Variants in PPARGC1A observed in about 807,000 individuals in gnomAD.
PPARGC1A encodes peroxisome proliferator-activated receptor gamma coactivator 1-alpha.
PPARGC1A carries 25 observed loss-of-function variants against 88.7 expected under a neutral mutation model. The observed-to-expected ratio is 0.28, with a 90% CI of 0.21 to 0.39. The LOEUF is 0.39. Among genes scored for constraint, PPARGC1A ranks in the 10% least tolerant of loss-of-function variants. PPARGC1A has a pLI of 1.00. For synonymous variants in PPARGC1A, 363 were observed against 355.6 expected, an observed-to-expected ratio of 1.02 and a Z score of -0.24; for missense variants, 880 against 968.7, an observed-to-expected ratio of 0.91 and a Z score of 1.22.
chr4:24,370,741 GTC>G, the PPARGC1A span, among the ~76,000 whole-genome samples: 24 of 116,022 alleles, frequency 2.1e-4, no homozygotes, highest in Middle Eastern at 7.2e-3. Context: ...AGTTTCTCCT[GTC>G]TCTCTCTTTT....
Position 23,801,936 on chromosome 4 carries a change from C to A in PPARGC1A, c.2142-55G>T. ...GGTTAAGAAGTATTAGTATATGGGA[C>A]TGTAACCCTTTCTACTTTGTGAGAC... On this transcript the variant is annotated intron_variant, in intron 11 of 12. Transcript: ENST00000264867. 5 of 1,594,482 alleles carry A rather than the reference C, an allele frequency of 3.1e-6. No homozygotes were observed. In the Admixed American group the frequency reaches 8.4e-5, roughly 27 times the overall value.
the PPARGC1A span, among the ~76,000 whole-genome samples, chr4:24,154,212 C>T: frequency 1.1e-4 from 16 of 151,716 alleles, no homozygotes; most frequent in African/African-American, 2.2e-4. Context: ...CTGCATCTTA[C>T]GCTCATAAGC....
chr4:24,319,680 T>A, the PPARGC1A span, among the ~76,000 whole-genome samples: 1 of 152,250 alleles, frequency 6.6e-6, no homozygotes, highest in Non-Finnish European at 1.5e-5. Context: ...TTTGATAGAA[T>A]TATATGTTCA....
chr4:23,887,514 T>G lies in PPARGC1A; in HGVS notation c.54+2390A>C, dbSNP rs576907077. 5.3e-5 allele frequency among the ~76,000 whole-genome samples: 8 copies of G among 152,350 alleles called. No homozygotes were observed. The East Asian group carries it at 1.5e-3, about 29-fold the overall frequency. ...ACACATTCTACTGCCTCTTTGCAACTATGACAGCTATTTCACAACTGTAGC... is the reference window on the plus strand; with the variant it reads ...ACACATTCTACTGCCTCTTTGCAACGATGACAGCTATTTCACAACTGTAGC... On this transcript the variant is annotated intron_variant, in intron 1 of 12. Coordinates refer to ENST00000264867, the MANE Select transcript of PPARGC1A (RefSeq NM_013261.5).
chr4:24,118,945 G>A, the PPARGC1A span, among the ~76,000 whole-genome samples: 1 of 152,110 alleles, frequency 6.6e-6, no homozygotes, highest in Non-Finnish European at 1.5e-5. Flanking sequence ...AACAAAAGGT[G>A]CATAACAAAT....
intron 10 of PPARGC1A, among the ~76,000 whole-genome samples, chr4:23,810,281 C>G (rs1445972444): frequency 6.6e-6 from 1 of 152,134 alleles, no homozygotes; most frequent in Non-Finnish European, 1.5e-5. Flanking sequence ...AAAATTCTCA[C>G]AAATGTCTAG....
chr4:23,831,905 T>C (rs766590372), intron 2 of PPARGC1A, among the ~76,000 whole-genome samples, 154 bp from the exon 3 acceptor site: 3 of 151,988 alleles, frequency 2.0e-5, no homozygotes, highest in Non-Finnish European at 2.9e-5. Flanking sequence ...AACTCCAAAT[T>C]CATGTTTTGG....
the PPARGC1A span, among the ~76,000 whole-genome samples, chr4:23,999,826 C>T: frequency 2.6e-5 from 4 of 152,068 alleles, no homozygotes; most frequent in Non-Finnish European, 5.9e-5. Flanking sequence ...GAGAGGTAGA[C>T]GCAGCCGCCC....
the PPARGC1A span, among the ~76,000 whole-genome samples, chr4:23,974,799 ATTTTTTTTTTTTT>A: frequency 1.5e-4 from 9 of 61,126 alleles, no homozygotes; most frequent in Admixed American, 6.6e-4. Context: ...GGCCCGGCTA[ATTTTTTTTTTTTT>A]TTTTTTTTTT....
the PPARGC1A span, among the ~76,000 whole-genome samples, chr4:23,956,862 T>C: frequency 6.6e-6 from 1 of 152,106 alleles, no homozygotes; most frequent in South Asian, 2.1e-4. Context: ...AGCCACAAAG[T>C]CTTGTTAACT....
the PPARGC1A span, among the ~76,000 whole-genome samples, chr4:24,001,254 T>G: frequency 6.6e-6 from 1 of 152,214 alleles, no homozygotes; most frequent in Non-Finnish European, 1.5e-5. Flanking sequence ...TGTTATAATA[T>G]GCTATTAATT....
At chr4:24,311,976 C>T in the PPARGC1A span, among the ~76,000 whole-genome samples, 1 of 152,140 alleles carries the variant, frequency 6.6e-6, no homozygotes, top group African/African-American at 2.4e-5. Context: ...AAACTGTTTC[C>T]AAGGACCTTC....
the PPARGC1A span, among the ~76,000 whole-genome samples, chr4:24,327,386 C>A: frequency 3.3e-5 from 5 of 152,308 alleles, no homozygotes; most frequent in South Asian, 1.0e-3. Context: ...TCTCCTCGTG[C>A]TATCCCCAAA....
At chr4:24,088,923 A>C in the PPARGC1A span, among the ~76,000 whole-genome samples, 1 of 151,870 alleles carries the variant, frequency 6.6e-6, no homozygotes, top group African/African-American at 2.4e-5. Flanking sequence ...AGGTTATGTA[A>C]CCTCTCTGAG....
At chr4:24,148,707 G>A in the PPARGC1A span, among the ~76,000 whole-genome samples, 11 of 152,172 alleles carry the variant, frequency 7.2e-5, no homozygotes, top group East Asian at 7.7e-4. Context: ...ACGTGTCTGT[G>A]ATGAATCCTC....
At chr4:24,093,753 G>T in the PPARGC1A span, among the ~76,000 whole-genome samples, 1 of 152,194 alleles carries the variant, frequency 6.6e-6, no homozygotes, top group African/African-American at 2.4e-5. Flanking sequence ...CACACGAGTG[G>T]TTCGAAGCAT....
At chr4:24,253,046 A>C in the PPARGC1A span, among the ~76,000 whole-genome samples, 1 of 152,192 alleles carries the variant, frequency 6.6e-6, no homozygotes, top group African/African-American at 2.4e-5. Flanking sequence ...AAAGGATCTC[A>C]GAAAAATAAT....
At chr4:24,326,740 A>C in the PPARGC1A span, among the ~76,000 whole-genome samples, 113 of 152,210 alleles carry the variant, frequency 7.4e-4, 1 homozygote, top group African/African-American at 2.6e-3. Flanking sequence ...TTTCCTTCCT[A>C]GGCATGTTTA....
At chr4:24,236,025 G>A in the PPARGC1A span, among the ~76,000 whole-genome samples, 1 of 152,328 alleles carries the variant, frequency 6.6e-6, no homozygotes, top group South Asian at 2.1e-4. Context: ...ATATCCCAGG[G>A]TTGTGTGTGA....
Sources: gnomAD v4.1 joint callset for allele counts (sites outside exome capture counted in the v4.1 genomes callset) on GRCh38, gnomAD v4.1.1 for gene constraint, MANE v1.5 for transcripts, NCBI Gene and HGNC (gene_info 2026-07-23, HGNC 2026-07-21) for gene names.